The following LRP12 variants were observed in gnomAD, a reference collection of about 807,000 sequenced individuals.
The protein encoded by LRP12 is low-density lipoprotein receptor-related protein 12.
In LRP12, 14 loss-of-function variants were observed where a neutral mutation model predicts 66.0. That is an observed-to-expected ratio of 0.21 (90% CI 0.14 to 0.33). LRP12 has a LOEUF of 0.33. LRP12 is among the 10% of genes least tolerant of loss of function. LRP12 has a pLI of 1.00. For missense variants in LRP12, 889 were observed against 1,053.4 expected, an observed-to-expected ratio of 0.84 and a Z score of 2.16; for synonymous variants, 357 against 359.1, an observed-to-expected ratio of 0.99 and a Z score of 0.07.
intron 2 of LRP12, among the ~76,000 whole-genome samples, chr8:104,513,008 C>G (rs757261131): frequency 6.6e-6 from 1 of 152,132 alleles, no homozygotes; most frequent in Non-Finnish European, 1.5e-5. Flanking sequence ...TAGTTATGCA[C>G]ATTTCCAACA....
rs1459677278 is a variant in LRP12 at position 104,497,946 on chromosome 8, T to C, written c.606A>G (p.Lys202=). 2.5e-6 allele frequency: 4 copies of C among 1,614,172 alleles called. No homozygotes were observed. The South Asian group carries it at 4.4e-5, about 18-fold the overall frequency. Residue 202 remains lysine, a synonymous_variant, in exon 5 of 7, where the codon AAA becomes AAG. Coordinates refer to ENST00000276654, the MANE Select transcript of LRP12 (RefSeq NM_013437.5). This position sits in a 1 kb window ranked among gnomAD's most constrained non-coding sequence, Gnocchi z 4.3. ...CAGCAGCAGTTGGAGGATTTGCTTC[T>C]TTGGCACAGATCTCTTCATCGGAAC... The part of the protein sequence containing the change: ...GDSSDEEICA[K]EANPPTAAAF...
intron 2 of LRP12, among the ~76,000 whole-genome samples, chr8:104,512,124 C>G (rs1415178875): frequency 6.6e-6 from 1 of 152,054 alleles, no homozygotes; most frequent in Non-Finnish European, 1.5e-5. Flanking sequence ...TCTTTTTCTC[C>G]TGGCCAACAT....
intron 1 of LRP12, among the ~76,000 whole-genome samples, chr8:104,544,759 C>T (rs1181182336): frequency 6.6e-6 from 1 of 152,098 alleles, no homozygotes; most frequent in Non-Finnish European, 1.5e-5. Context: ...TCAAAATATT[C>T]CTGCTTGCTG....
At chr8:104,556,421 G>A (rs1811809503) in intron 1 of LRP12, among the ~76,000 whole-genome samples, 1 of 152,004 alleles carries the variant, frequency 6.6e-6, no homozygotes, top group African/African-American at 2.4e-5. Flanking sequence ...GAAGAGAGAA[G>A]ATCCAAATAA....
intron 3 of LRP12, among the ~76,000 whole-genome samples, chr8:104,501,871 T>C (rs1810832730): frequency 6.6e-6 from 1 of 152,230 alleles, no homozygotes; most frequent in Non-Finnish European, 1.5e-5. Flanking sequence ...TGCTTTGTGT[T>C]TAGTGCATTT....
intron 2 of LRP12, among the ~76,000 whole-genome samples, chr8:104,524,403 T>G (rs978097853): frequency 1.3e-5 from 2 of 152,190 alleles, no homozygotes; most frequent in Non-Finnish European, 2.9e-5. Context: ...TCTTCCACTA[T>G]GCAGGGAATT....
chr8:104,554,582 A>G (rs1214499593), intron 1 of LRP12, among the ~76,000 whole-genome samples: 1 of 152,128 alleles, frequency 6.6e-6, no homozygotes, highest in Non-Finnish European at 1.5e-5. Flanking sequence ...CAAGGAAAAA[A>G]GAATTAAAAA....
Position 104,543,184 on chromosome 8 carries a change from GTTGT to G in LRP12, c.80-11225_80-11222del, listed in dbSNP as rs372624968. Among the ~76,000 whole-genome samples, 592 of 152,038 alleles carry G rather than the reference GTTGT, an allele frequency of 3.9e-3. 5 individuals carry two copies. Among genetic ancestry groups the G allele is most frequent in the African/African-American group, 0.013 (546 of 41,474 alleles). ...CTTTATGATACTTTGCAGATACAGT[GTTGT>G]TTTTCTGTTGTTGTTTTGTTTACCA... On this transcript the variant is annotated intron_variant, in intron 1 of 6. Coordinates refer to ENST00000276654, the MANE Select transcript of LRP12 (RefSeq NM_013437.5).
At chr8:104,525,377 G>A (rs1428863140) in intron 2 of LRP12, among the ~76,000 whole-genome samples, 1 of 151,918 alleles carries the variant, frequency 6.6e-6, no homozygotes, top group Non-Finnish European at 1.5e-5. Flanking sequence ...ATCAGAACGA[G>A]CAAAAAGGCA....
chr8:104,514,143 T>C (rs1811040038), intron 2 of LRP12, among the ~76,000 whole-genome samples: 1 of 152,122 alleles, frequency 6.6e-6, no homozygotes, highest in East Asian at 1.9e-4. Context: ...GAGCCTGCCT[T>C]CACCACTTCT....
chr8:104,508,805 T>G (rs981040836), intron 3 of LRP12, 134 bp downstream of exon 3: 4 of 719,316 alleles, frequency 5.6e-6, no homozygotes, highest in Non-Finnish European at 8.8e-6. Context: ...ATGACACCAA[T>G]AGCTAATAGC....
chr8:104,510,052 T>C (rs910006713), intron 2 of LRP12, among the ~76,000 whole-genome samples: 5 of 152,240 alleles, frequency 3.3e-5, no homozygotes, highest in African/African-American at 1.2e-4. Flanking sequence ...GAGACTGATC[T>C]ATCCATCCAC....
chr8:104,512,983 A>G (rs1223071183), intron 2 of LRP12, among the ~76,000 whole-genome samples: 1 of 152,136 alleles, frequency 6.6e-6, no homozygotes, highest in Admixed American at 6.5e-5. Flanking sequence ...TTGGTTATAA[A>G]TATATATATT....
chr8:104,498,114 G>C (rs1356289436), intron 4 of LRP12, 38 bp from the exon 5 acceptor site: 1 of 1,509,704 alleles, frequency 6.6e-7, no homozygotes, highest in East Asian at 2.3e-5. Flanking sequence ...GAAAGAGAAG[G>C]AGAAAAATTA....
At chr8:104,500,475 AGGTG>A (rs1353395172) in intron 3 of LRP12, among the ~76,000 whole-genome samples, 1 of 152,184 alleles carries the variant, frequency 6.6e-6, no homozygotes, top group Non-Finnish European at 1.5e-5. Context: ...TGGGACGCTG[AGGTG>A]GGCGGATCAC....
At position 104,588,856 on chromosome 8, in the gene LRP12, C is replaced by A. The variant is rs369775848; in HGVS notation, c.42G>T (p.Arg14Ser). Reference sequence around the variant, plus strand: ...CGAGGAAAAGCAAGAGCAACGCAGACCTCCACCGCGGAGACTCTTTTGTGC... The same window carrying A: ...CGAGGAAAAGCAAGAGCAACGCAGAACTCCACCGCGGAGACTCTTTTGTGC... The part of the protein sequence containing the change: ...RWSTKESPRW[R>S]SALLLLFLAG... Residue 14 changes from arginine to serine, a missense_variant, in exon 1 of 7, where the codon AGG becomes AGT. Coordinates refer to ENST00000276654, the MANE Select transcript of LRP12 (RefSeq NM_013437.5). The A allele has an allele frequency of 3.1e-6, 5 of 1,612,288 alleles. No homozygotes were observed. Among genetic ancestry groups the A allele is most frequent in the African/African-American group, 1.3e-5 (1 of 74,870 alleles).
At chr8:104,502,575 G>T (rs914313868) in intron 3 of LRP12, among the ~76,000 whole-genome samples, 1 of 152,094 alleles carries the variant, frequency 6.6e-6, no homozygotes, top group Admixed American at 6.5e-5. Context: ...GTCACTCCAC[G>T]TTGCACAGAC....
chr8:104,540,972 T>G (rs999948201), intron 1 of LRP12, among the ~76,000 whole-genome samples: 2 of 152,154 alleles, frequency 1.3e-5, no homozygotes, highest in African/African-American at 4.8e-5. Context: ...GACCTCATGA[T>G]CCACCCGCCT....
intron 2 of LRP12, among the ~76,000 whole-genome samples, chr8:104,527,498 AGC>A (rs1811256706): frequency 6.6e-6 from 1 of 151,236 alleles, no homozygotes; most frequent in African/African-American, 2.4e-5. Flanking sequence ...AATACTATGC[AGC>A]CATAAAAAAT....
Sources: allele counts gnomAD v4.1 joint callset (sites outside exome capture counted in the v4.1 genomes callset), GRCh38; gene constraint gnomAD v4.1.1; non-coding constraint Gnocchi (gnomAD v3.1); transcripts MANE v1.5; gene names NCBI Gene and HGNC (gene_info 2026-07-23, HGNC 2026-07-21).